Variants in ITGBL1 observed in about 807,000 individuals in gnomAD.
ITGBL1 encodes integrin beta-like protein 1.
A neutral mutation model predicts 68.5 loss-of-function variants in ITGBL1; 51 were observed. That is an observed-to-expected ratio of 0.74 (90% CI 0.59 to 0.94). ITGBL1 has a LOEUF of 0.94. Among genes scored for constraint, ITGBL1 ranks in the 40% least tolerant of loss-of-function variants. ITGBL1 has a pLI of 0.00. For missense variants in ITGBL1, 649 were observed against 647.4 expected, an observed-to-expected ratio of 1.00 and a Z score of -0.03; for synonymous variants, 209 against 227.3, an observed-to-expected ratio of 0.92 and a Z score of 0.72.
intron 6 of ITGBL1, among the ~76,000 whole-genome samples, chr13:101,592,365 C>T (rs1055023965): frequency 4.6e-5 from 7 of 152,002 alleles, no homozygotes; most frequent in Admixed American, 2.0e-4. Context: ...CATTCTGCTT[C>T]GGTGAAGTAA....
chr13:101,626,387 G>A (rs1158080677), intron 7 of ITGBL1, among the ~76,000 whole-genome samples: 1 of 152,264 alleles, frequency 6.6e-6, no homozygotes, highest in South Asian at 2.1e-4. Flanking sequence ...TTAGAAAAAT[G>A]TCATTGTAAG....
chr13:101,603,389 T>C (rs923706181), intron 7 of ITGBL1, among the ~76,000 whole-genome samples: 13 of 151,974 alleles, frequency 8.6e-5, no homozygotes, highest in Non-Finnish European at 1.6e-4. Flanking sequence ...GATATGGGTA[T>C]AATAATCTTT....
At chr13:101,658,209 A>G (rs2032984716) in intron 7 of ITGBL1, among the ~76,000 whole-genome samples, 1 of 152,252 alleles carries the variant, frequency 6.6e-6, no homozygotes, top group South Asian at 2.1e-4. Context: ...AATTTAAGTC[A>G]TGAAAAAGGC....
At chr13:101,633,230 C>A (rs1382974548) in intron 7 of ITGBL1, among the ~76,000 whole-genome samples, 1 of 152,184 alleles carries the variant, frequency 6.6e-6, no homozygotes, top group African/African-American at 2.4e-5. Context: ...TTAGGCACCT[C>A]CATAATGAAT....
Position 101,539,500 on chromosome 13 carries a change from C to T in ITGBL1, c.317-28199C>T, listed in dbSNP as rs536649779. On this transcript the variant is annotated intron_variant, in intron 2 of 10. Transcript: ENST00000376180. ...AAGTCTTTGCTATTGTCAGTAGTGC[C>T]GCAGAAAACATAGGTGTGCATGTGT... is the stretch of plus-strand genomic sequence containing the variant. Among the ~76,000 whole-genome samples, 13 of 152,036 alleles carry T rather than the reference C, an allele frequency of 8.6e-5. No individual in the cohort carries two copies. In the South Asian group the frequency reaches 1.7e-3, roughly 19 times the overall value.
At chr13:101,633,568 G>C (rs2139414091) in intron 7 of ITGBL1, among the ~76,000 whole-genome samples, 1 of 152,252 alleles carries the variant, frequency 6.6e-6, no homozygotes, top group East Asian at 1.9e-4. Context: ...TGACAGTTCT[G>C]AGCAGAAGCT....
chr13:101,644,960 C>G (rs2032511107), intron 7 of ITGBL1, among the ~76,000 whole-genome samples: 1 of 152,078 alleles, frequency 6.6e-6, no homozygotes, highest in Non-Finnish European at 1.5e-5. Context: ...TCAAAATAAG[C>G]AGCAATGGAA....
chr13:101,467,665 A>C (rs2048401051), intron 2 of ITGBL1, among the ~76,000 whole-genome samples: 1 of 152,224 alleles, frequency 6.6e-6, no homozygotes, highest in Non-Finnish European at 1.5e-5. Flanking sequence ...AAGAAAAATA[A>C]GACTTTTATA....
intron 4 of ITGBL1, among the ~76,000 whole-genome samples, chr13:101,578,458 A>G (rs2050400093): frequency 6.6e-6 from 1 of 152,226 alleles, no homozygotes; most frequent in Non-Finnish European, 1.5e-5. Flanking sequence ...ATGAGAGTAT[A>G]AGAAGTAAAA....
intron 8 of ITGBL1, among the ~76,000 whole-genome samples, chr13:101,702,581 GA>G (rs68137000): frequency 0.23 from 34,602 of 148,710 alleles, 4,289 homozygotes; most frequent in Admixed American, 0.31. Context: ...AATTAAATTT[GA>G]AAAAAAAAGG....
intron 7 of ITGBL1, among the ~76,000 whole-genome samples, chr13:101,660,950 T>C (rs181848238): frequency 6.6e-6 from 1 of 152,328 alleles, no homozygotes; most frequent in East Asian, 1.9e-4. Flanking sequence ...TGAATCATTT[T>C]GCGGGGAATA....
intron 2 of ITGBL1, among the ~76,000 whole-genome samples, chr13:101,518,398 G>A (rs2049229441): frequency 6.6e-6 from 1 of 152,090 alleles, no homozygotes; most frequent in Non-Finnish European, 1.5e-5. Context: ...ATTCATCTCT[G>A]TTTTCCCAAG....
intron 2 of ITGBL1, among the ~76,000 whole-genome samples, chr13:101,533,603 A>G (rs1359810313): frequency 6.6e-6 from 1 of 152,216 alleles, no homozygotes; most frequent in Non-Finnish European, 1.5e-5. Context: ...AAACTTTTTG[A>G]TTAGAAGTTA....
In ITGBL1 at chr13:101,715,704, C is replaced by A; in HGVS notation, c.*50C>A. 3.2e-6 allele frequency: 4 copies of A among 1,238,570 alleles called. No homozygotes were observed. The highest frequency in any genetic ancestry group is 4.8e-6 in the Non-Finnish European group (4 of 837,624). The allele number at this position is 1,238,570 out of a possible 1,614,324, so 76.7% of individuals were successfully genotyped here. A position where few individuals can be genotyped will look rare whatever the true frequency, so the allele number is the denominator to read the frequency against. On this transcript the variant is annotated 3_prime_UTR_variant, in exon 11 of 11. Transcript: ENST00000376180. The stretch of plus-strand genomic sequence containing the variant: ...TCTTATTTTTTCTGGGCCATTAGAA[C>A]AGATAAATGCGAAGGAAACCATGTA...
At chr13:101,594,903 G>A (rs576766279) in intron 6 of ITGBL1, among the ~76,000 whole-genome samples, 57 of 152,140 alleles carry the variant, frequency 3.7e-4, no homozygotes, top group African/African-American at 1.0e-3. Flanking sequence ...GTAAAACCCC[G>A]TCTCTACTAA....
chr13:101,621,356 T>C (rs1415293998), intron 7 of ITGBL1, among the ~76,000 whole-genome samples: 3 of 152,138 alleles, frequency 2.0e-5, no homozygotes, highest in Admixed American at 2.0e-4. Flanking sequence ...TATTTCTGTT[T>C]ATTTGTCATA....
intron 6 of ITGBL1, among the ~76,000 whole-genome samples, chr13:101,594,967 G>A (rs2029881050): frequency 6.6e-6 from 1 of 152,176 alleles, no homozygotes; most frequent in African/African-American, 2.4e-5. Context: ...CCAACTACTG[G>A]GGAGGGTAAG....
intron 2 of ITGBL1, among the ~76,000 whole-genome samples, chr13:101,503,659 C>G (rs1030445302): frequency 6.6e-6 from 1 of 152,206 alleles, no homozygotes; most frequent in African/African-American, 2.4e-5. Context: ...TGAGGAACCA[C>G]TGACAACAGA....
At chr13:101,490,582 G>C (rs2048762153) in intron 2 of ITGBL1, among the ~76,000 whole-genome samples, 2 of 152,172 alleles carry the variant, frequency 1.3e-5, no homozygotes. Context: ...ATTATCTTGT[G>C]GGTGGTGCTG....
Sources: allele counts gnomAD v4.1 joint callset (sites outside exome capture counted in the v4.1 genomes callset), GRCh38; gene constraint gnomAD v4.1.1; transcripts MANE v1.5; gene names NCBI Gene and HGNC (gene_info 2026-07-23, HGNC 2026-07-21).